The following EEPD1 variants were observed in gnomAD, a reference collection of about 807,000 sequenced individuals.
EEPD1 encodes the protein endonuclease/exonuclease/phosphatase family domain-containing protein 1.
Under a neutral mutation model 46.3 loss-of-function variants are expected in EEPD1, and 17 were observed. The observed-to-expected ratio is 0.37, with a 90% CI of 0.25 to 0.55. EEPD1 has a LOEUF of 0.55. EEPD1 is among the 20% of genes least tolerant of loss of function. EEPD1 has a pLI of 0.83. For synonymous variants in EEPD1, 313 were observed against 315.6 expected, an observed-to-expected ratio of 0.99 and a Z score of 0.09; for missense variants, 673 against 745.6, an observed-to-expected ratio of 0.90 and a Z score of 1.13.
chr7:36,172,618 T>G (rs1237611055), intron 2 of EEPD1, among the ~76,000 whole-genome samples: 8 of 6,832 alleles, frequency 1.2e-3, no homozygotes, highest in Admixed American at 0.01. Flanking sequence ...ATATTATGAG[T>G]TTTTTTTTTT....
intron 2 of EEPD1, among the ~76,000 whole-genome samples, chr7:36,178,342 T>C (rs1785218800): frequency 6.6e-6 from 1 of 152,250 alleles, no homozygotes; most frequent in African/African-American, 2.4e-5. Context: ...GGTGGAATTC[T>C]GAATGAGAGC....
chr7:36,180,336 G>A (rs2540661), intron 2 of EEPD1, among the ~76,000 whole-genome samples: 33,856 of 152,120 alleles, frequency 0.22, 4,015 homozygotes, highest in African/African-American at 0.28. Context: ...TGGGGAGGCA[G>A]AGGGGATGAG....
At chr7:36,294,971 A>C (rs554075656) in intron 6 of EEPD1, among the ~76,000 whole-genome samples, 2 of 152,114 alleles carry the variant, frequency 1.3e-5, no homozygotes, top group African/African-American at 2.4e-5. Flanking sequence ...TGAGGTCAGG[A>C]GTTCAAGACC....
chr7:36,289,497 G>A (rs1787392596), intron 6 of EEPD1, among the ~76,000 whole-genome samples: 1 of 152,194 alleles, frequency 6.6e-6, no homozygotes, highest in Non-Finnish European at 1.5e-5. Flanking sequence ...GTTGTAGCAT[G>A]TGTCAGAATT....
intron 3 of EEPD1, among the ~76,000 whole-genome samples, chr7:36,244,346 A>G (rs1786602727): frequency 6.6e-6 from 1 of 152,242 alleles, no homozygotes; most frequent in African/African-American, 2.4e-5. Context: ...ATTAAATTTG[A>G]ACAATAAAAG....
chr7:36,233,016 T>G (rs1009977839), intron 2 of EEPD1, among the ~76,000 whole-genome samples: 1 of 152,198 alleles, frequency 6.6e-6, no homozygotes, highest in Middle Eastern at 3.2e-3. Flanking sequence ...TACCTGATAC[T>G]AAATTGGACT....
intron 3 of EEPD1, among the ~76,000 whole-genome samples, chr7:36,249,445 T>A (rs923683907): frequency 1.3e-5 from 2 of 151,992 alleles, no homozygotes; most frequent in African/African-American, 4.8e-5. Context: ...TCGATAAAAA[T>A]GGAGAAATAA....
intron 5 of EEPD1, among the ~76,000 whole-genome samples, chr7:36,286,359 G>A (rs1158948589): frequency 6.6e-6 from 1 of 152,222 alleles, no homozygotes; most frequent in Non-Finnish European, 1.5e-5. Flanking sequence ...CAGCTGCAGA[G>A]CTCTTGGTCC....
At chr7:36,183,888 T>TTTTTTTTTTTTTTTTG (rs3053348) in intron 2 of EEPD1, among the ~76,000 whole-genome samples, 14 of 135,408 alleles carry the variant, frequency 1.0e-4, no homozygotes, top group Non-Finnish European at 1.5e-4. Flanking sequence ...TTTTTTTTTT[T>TTTTTTTTTTTTTTTTG]ATTTTTAAAA....
intron 5 of EEPD1, among the ~76,000 whole-genome samples, chr7:36,285,895 A>G (rs1583479086): frequency 6.6e-6 from 1 of 152,070 alleles, no homozygotes; most frequent in Non-Finnish European, 1.5e-5. Context: ...TATCTGTCAC[A>G]CCCAGCAGCC....
intron 3 of EEPD1, among the ~76,000 whole-genome samples, chr7:36,265,975 G>A (rs1378849668): frequency 6.6e-6 from 1 of 152,168 alleles, no homozygotes; most frequent in Admixed American, 6.5e-5. Flanking sequence ...AGTGCCAAGT[G>A]CAACTCCGCC....
intron 2 of EEPD1, chr7:36,228,904 CAT>C (rs1228019702): frequency 6.6e-6 from 1 of 152,216 alleles, no homozygotes; most frequent in African/African-American, 2.4e-5. Flanking sequence ...GTCACAGAGA[CAT>C]GTGAGTAGAG....
intron 2 of EEPD1, among the ~76,000 whole-genome samples, chr7:36,192,791 G>A (rs1360975898): frequency 2.6e-5 from 4 of 152,206 alleles, no homozygotes; most frequent in Non-Finnish European, 4.4e-5. Context: ...TCGTGAATGC[G>A]GTTAGAGACC....
intron 3 of EEPD1, among the ~76,000 whole-genome samples, chr7:36,259,191 T>C (rs196562): frequency 0.86 from 131,351 of 152,146 alleles, 56,865 homozygotes; most frequent in Middle Eastern, 0.92. Flanking sequence ...CTAACCAGTC[T>C]CAATGAGATG....
intron 3 of EEPD1, among the ~76,000 whole-genome samples, chr7:36,272,533 C>T (rs1257960350): frequency 6.7e-5 from 9 of 134,058 alleles, no homozygotes; most frequent in South Asian, 2.4e-4. Context: ...GTGCTCCCTT[C>T]GCTTATTTGT....
At position 36,281,102 on chromosome 7, in the gene EEPD1, T is replaced by C. The variant is rs773664491; in HGVS notation, c.931-13T>C. 2.0e-5 allele frequency: 32 copies of C among 1,613,580 alleles called. No homozygotes were observed. In the Admixed American group the frequency reaches 4.3e-4, roughly 22 times the overall value. ...GCGAACCCACGCTTCTGACCTGTGC[T>C]CTGTCTTTGCAGTTCTGCACGGAGC... On this transcript the variant is annotated splice_polypyrimidine_tract_variant and intron_variant, in intron 3 of 7. Coordinates refer to ENST00000242108, the MANE Select transcript of EEPD1 (RefSeq NM_030636.3).
chr7:36,237,148 A>G (rs1338024436), intron 2 of EEPD1, among the ~76,000 whole-genome samples: 1 of 152,212 alleles, frequency 6.6e-6, no homozygotes, highest in Non-Finnish European at 1.5e-5. Context: ...AAACGTCTGC[A>G]GCTTCACTCC....
chr7:36,203,946 A>G (rs1785764537), intron 2 of EEPD1, among the ~76,000 whole-genome samples: 1 of 149,802 alleles, frequency 6.7e-6, no homozygotes, highest in South Asian at 2.1e-4. Flanking sequence ...GCTGATGTAT[A>G]ATTTTATAAA....
intron 2 of EEPD1, among the ~76,000 whole-genome samples, chr7:36,201,864 C>T (rs1785717255): frequency 6.6e-6 from 1 of 152,204 alleles, no homozygotes; most frequent in African/African-American, 2.4e-5. Flanking sequence ...AAATTGAGCC[C>T]TGCATCCTGC....
Sources: gnomAD v4.1 joint callset for allele counts (sites outside exome capture counted in the v4.1 genomes callset) on GRCh38, gnomAD v4.1.1 for gene constraint, MANE v1.5 for transcripts, NCBI Gene and HGNC (gene_info 2026-07-23, HGNC 2026-07-21) for gene names.